GALNS: variants seen among roughly 807,000 people sequenced by gnomAD.
GALNS encodes the protein N-acetylgalactosamine-6-sulfatase.
A neutral mutation model predicts 65.9 loss-of-function variants in GALNS; 65 were observed. The observed-to-expected ratio is 0.99, with a 90% CI of 0.81 to 1.21. The LOEUF (loss-of-function observed/expected upper bound fraction) is 1.21, where lower values mean the gene tolerates loss of function less well. Ranked by LOEUF, GALNS falls within the 50% of genes most tolerant of loss-of-function variation. The probability of loss-of-function intolerance (pLI) is 0.00; values close to 1 mark genes in which losing one functional copy is unlikely to be tolerated. For synonymous variants in GALNS, 346 were observed against 288.9 expected, an observed-to-expected ratio of 1.20 and a Z score of -2.00; for missense variants, 776 against 700.7, an observed-to-expected ratio of 1.11 and a Z score of -1.21.
At position 88,819,377 on chromosome 16, in the gene GALNS, A is replaced by C. The variant is rs572670591; in HGVS notation, c.1365-1253T>G. Among the ~76,000 whole-genome samples the C allele has an allele frequency of 4.9e-3, 741 of 152,272 alleles. 3 individuals are homozygous for C. The highest frequency in any genetic ancestry group is 0.017 in the African/African-American group (716 of 41,568). The stretch of plus-strand genomic sequence containing the variant: ...GGCTTCACACAGCGCCCCTGAGCAC[A>C]GGGTCCATTTTTAATCCAGGAGGGT... On this transcript the variant is annotated intron_variant, in intron 12 of 13. Transcript: ENST00000268695.
rs533814651 is a variant in GALNS, at chr16:88,815,765, C to G, written c.1483-1240G>C. The G allele has an allele frequency of 3.4e-4, 336 of 985,462 alleles. No individual in the cohort carries two copies. In the African/African-American group the frequency reaches 5.6e-3, roughly 16 times the overall value. 61.0% of individuals were successfully genotyped at this position (985,462 alleles called of 1,614,324 possible). On this transcript the variant is annotated intron_variant, in intron 13 of 13. Coordinates refer to ENST00000268695, the MANE Select transcript of GALNS (RefSeq NM_000512.5). ...GGATGCCGCATGAGTGTCCCTGCCCCCTTGGCCACCAGAGCAGGAGTGGGT... is the reference window on the plus strand; with the variant it reads ...GGATGCCGCATGAGTGTCCCTGCCCGCTTGGCCACCAGAGCAGGAGTGGGT...
At chr16:88,823,417 A>G (rs2142992838) in intron 11 of GALNS, among the ~76,000 whole-genome samples, 1 of 152,382 alleles carries the variant, frequency 6.6e-6, no homozygotes, top group South Asian at 2.1e-4. Flanking sequence ...TGCCTCTAAC[A>G]TTCCCAGAGC....
At chr16:88,846,875 G>C (rs1392093647) in intron 1 of GALNS, among the ~76,000 whole-genome samples, 2 of 152,094 alleles carry the variant, frequency 1.3e-5, no homozygotes, top group Non-Finnish European at 2.9e-5. Flanking sequence ...CGACCCCCGT[G>C]TGTGGTCCCA....
intron 1 of GALNS, 21 bp downstream of exon 1, chr16:88,856,737 C>A (rs921805974): frequency 5.4e-6 from 8 of 1,471,040 alleles, no homozygotes; most frequent in Non-Finnish European, 7.3e-6. Context: ...GGCCCTGCCC[C>A]GTCCCACCGC....
intron 4 of GALNS, 81 bp from the exon 5 acceptor site, chr16:88,837,846 C>A: frequency 6.7e-7 from 1 of 1,486,722 alleles, no homozygotes; most frequent in South Asian, 1.1e-5. Flanking sequence ...ATACCACCTT[C>A]ACAAAATTCT....
intron 1 of GALNS, among the ~76,000 whole-genome samples, chr16:88,850,890 A>T (rs969063092): frequency 6.6e-6 from 1 of 152,206 alleles, no homozygotes. Flanking sequence ...CATGTGCAAA[A>T]ACAGTGTGGC....
intron 1 of GALNS, chr16:88,856,137 C>G: frequency 1.4e-6 from 1 of 702,094 alleles, no homozygotes; most frequent in Non-Finnish European, 2.6e-6. Flanking sequence ...GGCTGTGACC[C>G]CTGACCCCGC....
At chr16:88,817,033 G>A (rs72813559) in intron 13 of GALNS, 33,004 of 985,420 alleles carry the variant, frequency 0.033, 646 homozygotes, top group South Asian at 0.08. Context: ...CGTTTTTGCC[G>A]ACTAGAGCGA....
At chr16:88,835,106 C>A in intron 8 of GALNS, 107 bp downstream of exon 8, 1 of 1,416,816 alleles carries the variant, frequency 7.1e-7, no homozygotes, top group Non-Finnish European at 9.7e-7. Context: ...CCAGAGGGAC[C>A]CTTCATGCTC....
intron 1 of GALNS, chr16:88,855,466 A>T (rs1483333882): frequency 1.4e-6 from 1 of 702,866 alleles, no homozygotes; most frequent in Non-Finnish European, 2.6e-6. Flanking sequence ...AGGCCCGGCT[A>T]CTGCTGTCAG....
chr16:88,815,569 A>G, intron 13 of GALNS: 8 of 985,462 alleles, frequency 8.1e-6, no homozygotes, highest in Non-Finnish European at 9.6e-6. Flanking sequence ...TGCCGCTAAG[A>G]GGAGCCTTCT....
intron 1 of GALNS, among the ~76,000 whole-genome samples, chr16:88,847,088 C>T (rs1251712684): frequency 2.0e-5 from 3 of 152,212 alleles, no homozygotes; most frequent in Non-Finnish European, 4.4e-5. Context: ...GGAACGCAAA[C>T]AGCTCCACCC....
chr16:88,843,628 G>C (rs1159942717), intron 1 of GALNS: 1 of 180,924 alleles, frequency 5.5e-6, no homozygotes, highest in African/African-American at 2.3e-5. Context: ...GCCGAGACTG[G>C]AGTGACGCAG....
intron 1 of GALNS, chr16:88,855,968 C>G: frequency 1.7e-6 from 1 of 585,670 alleles, no homozygotes; most frequent in Non-Finnish European, 3.1e-6. Context: ...GGTGTGGCAG[C>G]TGAGGTTCAA....
chr16:88,826,258 A>G (rs113650123), intron 10 of GALNS, among the ~76,000 whole-genome samples: 12,429 of 102,498 alleles, frequency 0.12, 1,329 homozygotes, highest in African/African-American at 0.3. Flanking sequence ...CAGGGGTGGC[A>G]TGTGCCCGGG....
At position 88,815,239 on chromosome 16, in the gene GALNS, G is replaced by A. The variant is rs980700624; in HGVS notation, c.1483-714C>T. The A allele has an allele frequency of 6.1e-5, 60 of 985,462 alleles. No individual in the cohort carries two copies. The African/African-American group carries it at 8.9e-4, about 15-fold the overall frequency. 61.0% of individuals were successfully genotyped at this position (985,462 alleles called of 1,614,324 possible). A position where few individuals can be genotyped will look rare whatever the true frequency, so the allele number is the denominator to read the frequency against. ...AATGAGAACTTGGTGGGGAGGTCCCGGGTATGGGGGATGCAGCTGCCAAGT... is the reference window on the plus strand; with the variant it reads ...AATGAGAACTTGGTGGGGAGGTCCCAGGTATGGGGGATGCAGCTGCCAAGT... On this transcript the variant is annotated intron_variant, in intron 13 of 13. Transcript: ENST00000268695.
chr16:88,834,529 CTCT>C (rs1450913465), intron 8 of GALNS, among the ~76,000 whole-genome samples: 7 of 138,012 alleles, frequency 5.1e-5, no homozygotes, highest in South Asian at 2.5e-4. Flanking sequence ...GGCTGTAGGG[CTCT>C]CCCCACCGCG....
In GALNS at chr16:88,813,851, A is replaced by T. The variant is rs1211263853; in HGVS notation, c.*588T>A. On this transcript the variant is annotated 3_prime_UTR_variant, in exon 14 of 14. Transcript: ENST00000268695. Reference sequence around the variant, plus strand: ...CGTCCAGGGAAATTCCTTGTGGACAAAGGACAGACGGAACTGGAAGTCATC... The same window carrying T: ...CGTCCAGGGAAATTCCTTGTGGACATAGGACAGACGGAACTGGAAGTCATC... 6.3e-6 allele frequency: 1 copy of T among 158,642 alleles called. No homozygotes were observed. Among genetic ancestry groups the T allele is most frequent in the Non-Finnish European group, 1.4e-5 (1 of 71,444 alleles). The allele number at this position is 158,642 out of a possible 1,614,324, so 9.8% of individuals were successfully genotyped here.
chr16:88,832,663 A>G (rs182519915), intron 8 of GALNS, among the ~76,000 whole-genome samples: 1 of 152,306 alleles, frequency 6.6e-6, no homozygotes, highest in East Asian at 1.9e-4. Flanking sequence ...GACATGGAAG[A>G]AGGGGGTGGG....
Sources: allele counts gnomAD v4.1 joint callset (sites outside exome capture counted in the v4.1 genomes callset), GRCh38; gene constraint gnomAD v4.1.1; transcripts MANE v1.5; gene names NCBI Gene and HGNC (gene_info 2026-07-23, HGNC 2026-07-21).